DDX10: variants seen among roughly 807,000 people sequenced by gnomAD.
DDX10 encodes the protein DEAD-box helicase 10, also known as probable ATP-dependent RNA helicase DDX10.
Under a neutral mutation model 104.3 loss-of-function variants are expected in DDX10, and 74 were observed. The ratio of observed to expected loss-of-function variants is 0.71; its 90% confidence interval spans 0.59 to 0.86. DDX10 has a LOEUF of 0.86. Ranked by LOEUF, DDX10 falls within the 40% of genes least tolerant of loss-of-function variation. DDX10 has a pLI of 0.00. For synonymous variants in DDX10, 351 were observed against 353.4 expected (o/e 0.99, Z 0.08); for missense variants, 952 against 1,040.0 (o/e 0.92, Z 1.16).
chr11:108,923,285 C>G (rs1395589138), intron 17 of DDX10, among the ~76,000 whole-genome samples: 3 of 152,102 alleles, frequency 2.0e-5, no homozygotes, highest in African/African-American at 7.2e-5. Context: ...AGTTTTGTAC[C>G]TTTTGAGGAA....
At chr11:108,776,170 G>A (rs1374742489) in intron 13 of DDX10, among the ~76,000 whole-genome samples, 1 of 152,178 alleles carries the variant, frequency 6.6e-6, no homozygotes, top group Non-Finnish European at 1.5e-5. Flanking sequence ...TGCCATCAAA[G>A]CTCTTCTAAT....
intron 13 of DDX10, among the ~76,000 whole-genome samples, chr11:108,788,552 G>A (rs368995345): frequency 1.3e-4 from 20 of 152,230 alleles, no homozygotes; most frequent in African/African-American, 4.8e-4. Flanking sequence ...TAGTAGAGAT[G>A]GGGTTTCTCC....
At chr11:108,938,808 C>G (rs1864067663) in intron 17 of DDX10, among the ~76,000 whole-genome samples, 5 of 152,202 alleles carry the variant, frequency 3.3e-5, no homozygotes. Flanking sequence ...GGAATTATTT[C>G]CAGTTTTGCA....
chr11:108,862,808 C>G (rs980994017), intron 16 of DDX10, among the ~76,000 whole-genome samples: 1 of 151,724 alleles, frequency 6.6e-6, no homozygotes, highest in African/African-American at 2.4e-5. Context: ...ACTCTTCATG[C>G]TATCTGATAG....
At chr11:108,700,268 C>G (rs1422601852) in intron 9 of DDX10, among the ~76,000 whole-genome samples, 2 of 152,148 alleles carry the variant, frequency 1.3e-5, no homozygotes, top group Non-Finnish European at 2.9e-5. Context: ...TGAATAAACT[C>G]ATTTAGCCCA....
chr11:108,781,033 G>C (rs1252329748), intron 13 of DDX10, among the ~76,000 whole-genome samples: 1 of 152,098 alleles, frequency 6.6e-6, no homozygotes, highest in Non-Finnish European at 1.5e-5. Flanking sequence ...TACCCAAGAG[G>C]TGGTTTTTCA....
At position 108,793,996 on chromosome 11, in the gene DDX10, A is replaced by G. The variant is rs117811612; in HGVS notation, c.1966-44450A>G. Among the ~76,000 whole-genome samples the G allele has an allele frequency of 5.8e-3, 885 of 152,190 alleles. 30 individuals are homozygous for G. The highest frequency in any genetic ancestry group is 0.032 in the East Asian group (163 of 5,170). On this transcript the variant is annotated intron_variant, in intron 13 of 17. Coordinates refer to ENST00000322536, the MANE Select transcript of DDX10 (RefSeq NM_004398.4). Reference sequence around the variant, plus strand: ...TCCAGTTCCATCCACGTTTCTGCAAATGACATGATTTCATTTTTTTAATGA... The same window carrying G: ...TCCAGTTCCATCCACGTTTCTGCAAGTGACATGATTTCATTTTTTTAATGA...
At chr11:108,719,771 G>T in intron 11 of DDX10, 26 bp from the exon 12 acceptor site, 5 of 1,368,158 alleles carry the variant, frequency 3.7e-6, no homozygotes, top group Non-Finnish European at 5.2e-6. Flanking sequence ...CTATTATATT[G>T]TACTTTTCAA....
chr11:108,829,739 A>G (rs750492047), intron 13 of DDX10, among the ~76,000 whole-genome samples: 4 of 152,202 alleles, frequency 2.6e-5, no homozygotes, highest in Non-Finnish European at 4.4e-5. Context: ...TCTTTGATCC[A>G]TCTTGAGTTG....
chr11:108,765,878 A>C (rs1391462457), intron 13 of DDX10, among the ~76,000 whole-genome samples: 1 of 152,192 alleles, frequency 6.6e-6, no homozygotes, highest in Non-Finnish European at 1.5e-5. Context: ...AAGAACCTTA[A>C]ATTGTTGTTG....
intron 6 of DDX10, among the ~76,000 whole-genome samples, chr11:108,680,450 A>G (rs1351676603): frequency 6.6e-6 from 1 of 152,194 alleles, no homozygotes; most frequent in African/African-American, 2.4e-5. Context: ...CCTGAGATCA[A>G]GCAATCCTCC....
intron 13 of DDX10, among the ~76,000 whole-genome samples, chr11:108,829,600 C>T (rs531266206): frequency 6.6e-6 from 1 of 152,204 alleles, no homozygotes; most frequent in Non-Finnish European, 1.5e-5. Flanking sequence ...TAATTAAGTC[C>T]CATCTATTTA....
Position 108,673,449 on chromosome 11 carries a change from CT to C in DDX10, c.187-13del. The C allele has an allele frequency of 6.5e-7, 1 of 1,541,760 alleles. No homozygotes were observed. The highest frequency in any genetic ancestry group is 9.0e-7 in the Non-Finnish European group (1 of 1,116,264). ...TGAAACAAATGAGTTACCCTGATTC[CT>C]TTTTCTTTTTTTCCAGATAAATGTA... On this transcript the variant is annotated splice_polypyrimidine_tract_variant and intron_variant, in intron 1 of 17. Transcript: ENST00000322536.
chr11:108,780,631 A>T (rs1489868823), intron 13 of DDX10, among the ~76,000 whole-genome samples: 1 of 152,186 alleles, frequency 6.6e-6, no homozygotes, highest in East Asian at 1.9e-4. Context: ...TTTGTGTCCC[A>T]AAGGATGCTA....
intron 16 of DDX10, among the ~76,000 whole-genome samples, chr11:108,861,156 C>A (rs1019532884): frequency 6.6e-6 from 1 of 151,332 alleles, no homozygotes; most frequent in Non-Finnish European, 1.5e-5. Context: ...ATAAAGCAGG[C>A]AGAAAAATGT....
chr11:108,749,698 G>A (rs1252641444), intron 13 of DDX10, among the ~76,000 whole-genome samples: 1 of 152,178 alleles, frequency 6.6e-6, no homozygotes, highest in Non-Finnish European at 1.5e-5. Flanking sequence ...CGTGAAAGAA[G>A]TCATATCAAA....
intron 16 of DDX10, among the ~76,000 whole-genome samples, chr11:108,861,582 T>C (rs1862942109): frequency 6.6e-6 from 1 of 152,212 alleles, no homozygotes; most frequent in Non-Finnish European, 1.5e-5. Flanking sequence ...ATAAAGGTTT[T>C]TTTGTAAAAG....
chr11:108,935,886 CAAG>C (rs755750359), intron 17 of DDX10, among the ~76,000 whole-genome samples: 14 of 152,100 alleles, frequency 9.2e-5, no homozygotes, highest in Non-Finnish European at 1.9e-4. Flanking sequence ...TTTTGTCTCT[CAAG>C]AAAGTTAATA....
rs560258226 is a variant in DDX10 at position 108,840,997 on chromosome 11, T to C, written c.2086-318T>C. Among the ~76,000 whole-genome samples the C allele has an allele frequency of 7.2e-5, 11 of 152,224 alleles. No homozygotes were observed. The South Asian group carries it at 2.3e-3, about 32-fold the overall frequency. On this transcript the variant is annotated intron_variant, in intron 14 of 17. Coordinates refer to ENST00000322536, the MANE Select transcript of DDX10 (RefSeq NM_004398.4). ...TGTGTGCAGATAATTTTGAGCTGAG[T>C]TGTGTGGAGAATAGGATACTAAGAA...
Sources: allele counts gnomAD v4.1 joint callset (sites outside exome capture counted in the v4.1 genomes callset), GRCh38; gene constraint gnomAD v4.1.1; transcripts MANE v1.5; gene names NCBI Gene and HGNC (gene_info 2026-07-23, HGNC 2026-07-21).